Variants in ADGRL2 observed in about 807,000 individuals in gnomAD.
The protein encoded by ADGRL2 is calcium-independent alpha-latrotoxin receptor 2.
Under a neutral mutation model 157.4 loss-of-function variants are expected in ADGRL2, and 44 were observed. The ratio of observed to expected loss-of-function variants is 0.28; its 90% CI spans 0.22 to 0.36. The LOEUF (loss-of-function observed/expected upper bound fraction) is 0.36, where lower values mean the gene tolerates loss of function less well. ADGRL2 is among the 10% of genes least tolerant of loss of function. The pLI is 1.00. For missense variants in ADGRL2, 1,510 were observed against 1,768.9 expected (o/e 0.85, Z 2.63); for synonymous variants, 585 against 624.7 (o/e 0.94, Z 0.95).
chr1:81,600,723 T>C (rs1339632573), intron 3 of ADGRL2, among the ~76,000 whole-genome samples: 2 of 152,228 alleles, frequency 1.3e-5, no homozygotes, highest in Non-Finnish European at 2.9e-5. Flanking sequence ...GAATAAAATA[T>C]ATTTGTTTGT....
chr1:81,402,232 C>T (rs1195117997), intron 1 of ADGRL2, among the ~76,000 whole-genome samples: 1 of 152,164 alleles, frequency 6.6e-6, no homozygotes, highest in African/African-American at 2.4e-5. Flanking sequence ...AGTGCTCTTA[C>T]AGACAAACAG....
intron 3 of ADGRL2, among the ~76,000 whole-genome samples, chr1:81,680,799 A>G (rs1339489101): frequency 1.3e-5 from 2 of 152,266 alleles, no homozygotes; most frequent in African/African-American, 4.8e-5. Context: ...AATGTTGGGA[A>G]CATAGATCAA....
At chr1:81,710,014 G>T (rs2083870342) in intron 1 of ADGRL2, among the ~76,000 whole-genome samples, 1 of 152,150 alleles carries the variant, frequency 6.6e-6, no homozygotes, top group Non-Finnish European at 1.5e-5. Flanking sequence ...ATCACCTGTG[G>T]TGTGTCTCCT....
intron 2 of ADGRL2, among the ~76,000 whole-genome samples, chr1:81,510,769 G>A (rs2079061515): frequency 6.6e-6 from 1 of 152,126 alleles, no homozygotes; most frequent in Non-Finnish European, 1.5e-5. Flanking sequence ...TTCATTATTA[G>A]TACACATGAA....
At chr1:81,951,885 A>T in intron 8 of ADGRL2, 72 bp from the exon 9 acceptor site, 5 of 1,209,816 alleles carry the variant, frequency 4.1e-6, no homozygotes, top group Non-Finnish European at 5.7e-6. Context: ...CACAATAAAG[A>T]TACTCAAGGA....
chr1:81,502,382 G>A, intron 2 of ADGRL2: 1 of 1,614,162 alleles, frequency 6.2e-7, no homozygotes, highest in Non-Finnish European at 8.5e-7. Context: ...CCGGGGAAGA[G>A]AGATCTCTCG....
intron 1 of ADGRL2, among the ~76,000 whole-genome samples, chr1:81,441,603 C>T (rs2077508483): frequency 6.6e-6 from 1 of 152,190 alleles, no homozygotes; most frequent in Non-Finnish European, 1.5e-5. Context: ...TGGCTCACTG[C>T]AACCTCTGCC....
At chr1:81,477,889 A>G (rs1242543234) in intron 2 of ADGRL2, among the ~76,000 whole-genome samples, 2 of 152,176 alleles carry the variant, frequency 1.3e-5, no homozygotes, top group Non-Finnish European at 2.9e-5. Context: ...TGAATGATCC[A>G]TCACTACGAT....
At chr1:81,830,945 G>GTA (rs2091902486) in intron 1 of ADGRL2, among the ~76,000 whole-genome samples, 2 of 152,272 alleles carry the variant, frequency 1.3e-5, no homozygotes, top group South Asian at 4.1e-4. Context: ...TTTAGTGGTT[G>GTA]TATATATAGA....
At chr1:81,426,644 T>G in intron 1 of ADGRL2, 1 of 471,724 alleles carries the variant, frequency 2.1e-6, no homozygotes, top group Non-Finnish European at 4.1e-6. Context: ...ACTCACAGAT[T>G]GTATGGTAAT....
chr1:81,391,358 T>G (rs1293271780), intron 1 of ADGRL2, among the ~76,000 whole-genome samples: 1 of 152,306 alleles, frequency 6.6e-6, no homozygotes, highest in African/African-American at 2.4e-5. Context: ...GCGATTTTAC[T>G]ATTGTAATGT....
chr1:81,424,400 G>A (rs973954001), intron 1 of ADGRL2, among the ~76,000 whole-genome samples: 2 of 152,328 alleles, frequency 1.3e-5, no homozygotes, highest in South Asian at 2.1e-4. Flanking sequence ...ACAATGGTAT[G>A]TGGTGTAGTC....
At position 81,556,075 on chromosome 1, in the gene ADGRL2, T is replaced by C. The variant is rs920796802; in HGVS notation, c.-247-24801T>C. Among the ~76,000 whole-genome samples the C allele has an allele frequency of 9.9e-5, 15 of 152,238 alleles. No homozygotes were observed. The East Asian group carries it at 2.7e-3, about 27-fold the overall frequency. On this transcript the variant is annotated intron_variant, in intron 2 of 24. Coordinates refer to the ADGRL2 transcript ENST00000370721. ...CAGCATCAACCTAAGGATCCTACTG[T>C]AATATTACTACACTAACCCAAGACA...
rs2148532624 is a variant in ADGRL2 at position 81,579,656 on chromosome 1, A to G, written c.-247-1220A>G. On this transcript the variant is annotated intron_variant, in intron 2 of 24. Transcript: ENST00000370721. ...CATCTGCAGCTTTTTTTCCTTCTGAAGGGTGTTCAGAATATGCTATTTTAA... is the reference window on the plus strand; with the variant it reads ...CATCTGCAGCTTTTTTTCCTTCTGAGGGGTGTTCAGAATATGCTATTTTAA... Among the ~76,000 whole-genome samples, 3 of 152,274 alleles carry G rather than the reference A, an allele frequency of 2.0e-5. No homozygotes were observed. In the Middle Eastern group the frequency reaches 0.01, roughly 518 times the overall value.
intron 2 of ADGRL2, among the ~76,000 whole-genome samples, chr1:81,500,946 C>G (rs1160504891): frequency 6.6e-6 from 1 of 152,108 alleles, no homozygotes; most frequent in East Asian, 1.9e-4. Context: ...CAAAAGAGAG[C>G]TAATATAAAT....
chr1:81,630,570 C>T (rs376457603), intron 3 of ADGRL2, among the ~76,000 whole-genome samples: 1 of 152,104 alleles, frequency 6.6e-6, no homozygotes, highest in African/African-American at 2.4e-5. Context: ...CTCATATGAC[C>T]TTCGAGTTTC....
intron 2 of ADGRL2, among the ~76,000 whole-genome samples, chr1:81,492,702 T>C (rs2078658702): frequency 6.6e-6 from 1 of 152,130 alleles, no homozygotes. Context: ...GGATATAATA[T>C]TCAATATTCT....
intron 2 of ADGRL2, among the ~76,000 whole-genome samples, chr1:81,878,545 A>G (rs2093900462): frequency 6.6e-6 from 1 of 152,134 alleles, no homozygotes; most frequent in African/African-American, 2.4e-5. Context: ...TCTTACTGCA[A>G]AGGAGGACAT....
At chr1:81,778,778 G>A (rs1557644126) in intron 2 of ADGRL2, among the ~76,000 whole-genome samples, 1 of 152,088 alleles carries the variant, frequency 6.6e-6, no homozygotes, top group East Asian at 1.9e-4. Flanking sequence ...GTCAAGAGAC[G>A]TTTTGGCAGC....
Sources: gnomAD v4.1 joint callset for allele counts (sites outside exome capture counted in the v4.1 genomes callset) on GRCh38, gnomAD v4.1.1 for gene constraint, MANE v1.5 for transcripts, NCBI Gene and HGNC (gene_info 2026-07-23, HGNC 2026-07-21) for gene names.